The following ENOX2 variants were observed in gnomAD, a reference collection of about 807,000 sequenced individuals.
The protein encoded by ENOX2 is APK1 antigen.
Under a neutral mutation model 45.0 loss-of-function variants are expected in ENOX2, and 36 were observed. That is an observed-to-expected ratio of 0.80 (90% CI 0.61 to 1.06). The LOEUF (loss-of-function observed/expected upper bound fraction) is 1.06, where lower values mean the gene tolerates loss of function less well. Among genes scored for constraint, ENOX2 ranks in the 50% least tolerant of loss-of-function variants. The pLI is 0.00. For missense variants in ENOX2, 423 were observed against 462.5 expected (o/e 0.91, Z 0.78); for synonymous variants, 174 against 152.3 (o/e 1.14, Z -1.05).
intron 3 of ENOX2, among the ~76,000 whole-genome samples, chrX:130,774,987 G>A (rs1428048206): frequency 8.9e-6 from 1 of 112,228 alleles, no homozygotes. Flanking sequence ...CCCACTTGTT[G>A]CCATTCTGTG....
At chrX:130,866,486 C>A (rs761642578) in intron 2 of ENOX2, among the ~76,000 whole-genome samples, 11 of 111,907 alleles carry the variant, frequency 9.8e-5, no homozygotes, top group African/African-American at 1.6e-4. Context: ...TCTTGCTATT[C>A]ACCAGTGCAA....
Position 130,777,697 on chromosome X carries a change from A to G in ENOX2, c.-39+5850T>C, listed in dbSNP as rs142379384. On this transcript the variant is annotated intron_variant, in intron 3 of 14. Transcript: ENST00000394363. ...ATTTCAATGATTCGGGCAACTTAAG[A>G]GAGATGTATTTCCATTTTTCTATCC... Among the ~76,000 whole-genome samples, 363 of 111,617 alleles carry G rather than the reference A, an allele frequency of 3.3e-3. 2 individuals are homozygous for G. The highest frequency in any genetic ancestry group is 0.011 in the African/African-American group (352 of 30,708).
chrX:130,631,277 G>A (rs936566508), intron 13 of ENOX2, among the ~76,000 whole-genome samples, 191 bp downstream of exon 13: 1 of 111,737 alleles, frequency 8.9e-6, no homozygotes, highest in African/African-American at 3.3e-5. Context: ...AGGAGTGTGA[G>A]GGAGGCTGGC....
At chrX:130,864,405 T>G (rs1293659758) in intron 2 of ENOX2, among the ~76,000 whole-genome samples, 3 of 111,405 alleles carry the variant, frequency 2.7e-5, no homozygotes, top group Non-Finnish European at 5.6e-5. Flanking sequence ...ACAGGCTCAG[T>G]TGCAGCTTAA....
chrX:130,804,982 T>A (rs114967243), intron 2 of ENOX2, among the ~76,000 whole-genome samples: 2,501 of 111,034 alleles, frequency 0.023, 63 homozygotes, highest in African/African-American at 0.077. Context: ...ACATCCCACA[T>A]GAATGGGATT....
chrX:130,713,134 C>T (rs1056283540), intron 3 of ENOX2, among the ~76,000 whole-genome samples: 12 of 112,188 alleles, frequency 1.1e-4, no homozygotes, highest in Non-Finnish European at 2.1e-4. Context: ...AGAGACAACA[C>T]GTTTAACCAC....
chrX:130,833,011 TCACACACA>T lies in ENOX2; in HGVS notation c.-182-49329_-182-49322del, dbSNP rs10568834. ...CTGAAGTATAAGTATTCATGTATAATCACACACACACACACACACACACACACACACAC... is the reference window on the plus strand; with the variant it reads ...CTGAAGTATAAGTATTCATGTATAATCACACACACACACACACACACACAC... On this transcript the variant is annotated intron_variant, in intron 2 of 14. Transcript: ENST00000394363. 1.3e-3 allele frequency among the ~76,000 whole-genome samples: 105 copies of T among 82,973 alleles called. No homozygotes were observed. The Middle Eastern group carries it at 0.018, about 14-fold the overall frequency. 72.1% of individuals were successfully genotyped at this position (82,973 alleles called of 115,157 possible). A position where few individuals can be genotyped will look rare whatever the true frequency, so the allele number is the denominator to read the frequency against.
intron 2 of ENOX2, among the ~76,000 whole-genome samples, chrX:130,870,889 AGAGG>A (rs1271158318): frequency 4.4e-5 from 4 of 91,039 alleles, no homozygotes; most frequent in Admixed American, 1.3e-4. Context: ...AGGGAGGGAG[AGAGG>A]GAGGGAGGGA....
At chrX:130,767,621 T>C (rs1053122910) in intron 3 of ENOX2, among the ~76,000 whole-genome samples, 2 of 111,853 alleles carry the variant, frequency 1.8e-5, no homozygotes, top group African/African-American at 6.5e-5. Context: ...TACGTGTGCA[T>C]ATAAATTCCT....
At chrX:130,766,679 T>C (rs1195035330) in intron 3 of ENOX2, among the ~76,000 whole-genome samples, 2 of 111,744 alleles carry the variant, frequency 1.8e-5, no homozygotes, top group Admixed American at 1.9e-4. Flanking sequence ...TCCAGCTCCA[T>C]TTGTTAGTCT....
intron 2 of ENOX2, among the ~76,000 whole-genome samples, chrX:130,785,247 C>G (rs1433283468): frequency 9.3e-6 from 1 of 108,037 alleles, no homozygotes; most frequent in Admixed American, 9.8e-5. Context: ...ATCGCTTGCA[C>G]CCGGTAGGCA....
At chrX:130,881,273 G>T (rs916133155) in intron 2 of ENOX2, among the ~76,000 whole-genome samples, 3 of 112,558 alleles carry the variant, frequency 2.7e-5, no homozygotes, top group Non-Finnish European at 3.8e-5. Context: ...CACTGGGTTA[G>T]ATATCAGGAA....
chrX:130,737,942 C>T (rs1379468777), intron 3 of ENOX2, among the ~76,000 whole-genome samples: 2 of 111,874 alleles, frequency 1.8e-5, no homozygotes, highest in Admixed American at 9.5e-5. Context: ...GCTATGTGAT[C>T]TAAGGGCAAA....
chrX:130,849,359 A>G (rs766716912), intron 2 of ENOX2, among the ~76,000 whole-genome samples: 42 of 112,085 alleles, frequency 3.7e-4, no homozygotes, highest in Non-Finnish European at 7.5e-4. Context: ...GACAAGAAAG[A>G]TGTTTGAAGG....
chrX:130,765,316 C>T (rs1229638774), intron 3 of ENOX2, among the ~76,000 whole-genome samples: 1 of 110,835 alleles, frequency 9.0e-6, no homozygotes, highest in Non-Finnish European at 1.9e-5. Flanking sequence ...CCCCATCCTA[C>T]CTCCCTCCCT....
chrX:130,632,371 G>GGGC (rs1556405794), intron 12 of ENOX2, among the ~76,000 whole-genome samples: 3 of 48,031 alleles, frequency 6.2e-5, no homozygotes, highest in South Asian at 2.4e-3. Flanking sequence ...GGGCGGGGGG[G>GGGC]GGGGGTGGTC....
intron 3 of ENOX2, among the ~76,000 whole-genome samples, chrX:130,773,793 A>C (rs1347466113): frequency 8.9e-6 from 1 of 112,393 alleles, no homozygotes; most frequent in African/African-American, 3.2e-5. Context: ...AAATATTTTA[A>C]AATTAATTAT....
chrX:130,784,013 AG>A (rs751564104), intron 2 of ENOX2, among the ~76,000 whole-genome samples: 1 of 111,862 alleles, frequency 8.9e-6, no homozygotes, highest in East Asian at 2.8e-4. Flanking sequence ...CCTTGTAAAA[AG>A]TTTGGCTTTG....
chrX:130,650,889 G>A (rs1369791097), intron 10 of ENOX2, among the ~76,000 whole-genome samples: 1 of 111,232 alleles, frequency 9.0e-6, no homozygotes, highest in Non-Finnish European at 1.9e-5. Context: ...TAGTGCCTGA[G>A]TCTCTTCAAT....
Sources: gnomAD v4.1 joint callset for allele counts (sites outside exome capture counted in the v4.1 genomes callset) on GRCh38, gnomAD v4.1.1 for gene constraint, MANE v1.5 for transcripts, NCBI Gene and HGNC (gene_info 2026-07-23, HGNC 2026-07-21) for gene names.